Variants in IFT57 observed in about 807,000 individuals in gnomAD.
IFT57 encodes the protein intraflagellar transport protein 57 homolog.
A neutral mutation model predicts 56.8 loss-of-function variants in IFT57; 59 were observed. The observed-to-expected ratio is 1.04, with a 90% CI of 0.84 to 1.29. IFT57 has a LOEUF of 1.29. IFT57 is among the 50% of genes most tolerant of loss of function. The pLI is 0.00. For missense variants in IFT57, 470 were observed against 522.1 expected, an observed-to-expected ratio of 0.90 and a Z score of 0.97; for synonymous variants, 209 against 186.1, an observed-to-expected ratio of 1.12 and a Z score of -1.00.
intron 5 of IFT57, among the ~76,000 whole-genome samples, chr3:108,200,312 T>C (rs1316190433): frequency 1.3e-5 from 2 of 152,224 alleles, no homozygotes; most frequent in African/African-American, 2.4e-5. Flanking sequence ...GAACATGGCC[T>C]TGCAAGACAG....
intron 6 of IFT57, among the ~76,000 whole-genome samples, chr3:108,184,736 G>T (rs907133781): frequency 6.6e-6 from 1 of 152,102 alleles, no homozygotes; most frequent in Admixed American, 6.6e-5. Context: ...TGCAAATATT[G>T]CTTAAAATGT....
chr3:108,209,611 G>A (rs750184816), intron 4 of IFT57, among the ~76,000 whole-genome samples: 2 of 152,250 alleles, frequency 1.3e-5, no homozygotes, highest in Non-Finnish European at 2.9e-5. Context: ...AGTAGACTGA[G>A]TAAAGCAGGT....
In IFT57 at chr3:108,186,569, G is replaced by A. The variant is rs80000989; in HGVS notation, c.777+4952C>T. Among the ~76,000 whole-genome samples the A allele has an allele frequency of 6.6e-5, 10 of 152,236 alleles. No homozygotes were observed. The East Asian group carries it at 1.5e-3, about 23-fold the overall frequency. On this transcript the variant is annotated intron_variant, in intron 6 of 10. Transcript: ENST00000264538. Reference sequence around the variant, plus strand: ...GACTACTTTGGACTTGTTTTATAACGTGGACCCTTCAATGAAAAATTAAAC... The same window carrying A: ...GACTACTTTGGACTTGTTTTATAACATGGACCCTTCAATGAAAAATTAAAC...
chr3:108,167,946 T>C (rs2080071593), intron 6 of IFT57, 82 bp from the exon 7 acceptor site: 6 of 1,045,124 alleles, frequency 5.7e-6, no homozygotes, highest in Admixed American at 2.6e-5. Context: ...TTGTAACCTT[T>C]AATTACTTTG....
chr3:108,209,119 G>C lies in IFT57; in HGVS notation c.586-2423C>G, dbSNP rs568846453. 5.3e-5 allele frequency among the ~76,000 whole-genome samples: 8 copies of C among 152,268 alleles called. No homozygotes were observed. The South Asian group carries it at 1.7e-3, about 32-fold the overall frequency. ...AACACAAACTACAAGCATGTGACCA[G>C]TTACAGAAATGAGAATTGTGATTGT... is the stretch of plus-strand genomic sequence containing the variant. On this transcript the variant is annotated intron_variant, in intron 4 of 10. Transcript: ENST00000264538.
At chr3:108,183,984 TAA>T (rs1316133748) in intron 6 of IFT57, among the ~76,000 whole-genome samples, 1 of 152,170 alleles carries the variant, frequency 6.6e-6, no homozygotes, top group Non-Finnish European at 1.5e-5. Flanking sequence ...TGTAAAAATT[TAA>T]AAAGTTTATA....
At chr3:108,173,254 A>C (rs969446037) in intron 6 of IFT57, among the ~76,000 whole-genome samples, 4 of 151,398 alleles carry the variant, frequency 2.6e-5, no homozygotes, top group African/African-American at 9.7e-5. Context: ...AACATATGCA[A>C]ACACACACAC....
Position 108,218,670 on chromosome 3 carries a change from A to G in IFT57, c.376-17T>C. On this transcript the variant is annotated splice_polypyrimidine_tract_variant and intron_variant, in intron 2 of 10. Transcript: ENST00000264538. ...AGTTCTTCCCTGAAAAACAAAAGAA[A>G]AAACAGGGTATTATTTGTTAGTTAT... 1 of 1,282,538 alleles carries G rather than the reference A, an allele frequency of 7.8e-7. No individual in the cohort carries two copies. Among genetic ancestry groups the G allele is most frequent in the Non-Finnish European group, 1.1e-6 (1 of 924,282 alleles). 79.4% of individuals were successfully genotyped at this position (1,282,538 alleles called of 1,614,324 possible). A position where few individuals can be genotyped will look rare whatever the true frequency, so the allele number is the denominator to read the frequency against.
chr3:108,215,669 G>A (rs950019589), intron 3 of IFT57, among the ~76,000 whole-genome samples: 4 of 151,952 alleles, frequency 2.6e-5, no homozygotes, highest in African/African-American at 4.8e-5. Flanking sequence ...ATTAGAATTC[G>A]AAAATATCTC....
chr3:108,199,735 C>T (rs763512859), intron 5 of IFT57, among the ~76,000 whole-genome samples: 6 of 152,114 alleles, frequency 3.9e-5, no homozygotes, highest in African/African-American at 9.7e-5. Context: ...ATAATCCTCA[C>T]GAATAAAACA....
At chr3:108,222,007 G>T in intron 1 of IFT57, 104 bp downstream of exon 1, 1 of 1,504,788 alleles carries the variant, frequency 6.6e-7, no homozygotes, top group Admixed American at 2.2e-5. Context: ...CGGAGGCAAG[G>T]AATTGCTAAC....
intron 8 of IFT57, among the ~76,000 whole-genome samples, 168 bp from the exon 9 acceptor site, chr3:108,165,661 CT>C (rs951202932): frequency 2.0e-5 from 3 of 152,024 alleles, no homozygotes; most frequent in African/African-American, 4.8e-5. Flanking sequence ...TTTTATGTCC[CT>C]AATAGGCAGC....
intron 6 of IFT57, among the ~76,000 whole-genome samples, chr3:108,181,040 T>C (rs528855235): frequency 1.3e-5 from 2 of 152,164 alleles, no homozygotes; most frequent in Admixed American, 6.6e-5. Flanking sequence ...GCTACCACTC[T>C]TGATGCTCTT....
intron 6 of IFT57, among the ~76,000 whole-genome samples, chr3:108,182,635 A>G (rs1193454534): frequency 6.6e-6 from 1 of 152,140 alleles, no homozygotes; most frequent in Non-Finnish European, 1.5e-5. Context: ...TTTAAAGTTT[A>G]AGGTTCTTTT....
In IFT57 at chr3:108,166,971, T is replaced by C; in HGVS notation, c.864A>G (p.Lys288=). The change falls in exon 8 of 11, where the codon AAA becomes AAG. Residue 288 remains lysine (K), a synonymous_variant. Coordinates refer to ENST00000264538, the MANE Select transcript of IFT57 (RefSeq NM_018010.4). Reference sequence around the variant, plus strand: ...AAGTCCTAGTAATTTCATTATGGAGTTTGTCCAAAAATCCCTAGAAATTCC... The same window carrying C: ...AAGTCCTAGTAATTTCATTATGGAGCTTGTCCAAAAATCCCTAGAAATTCC... The part of the protein sequence containing the change: ...ALKETKGFLD[K]LHNEITRTLE... 1 of 1,606,820 alleles carries C rather than the reference T, an allele frequency of 6.2e-7. No homozygotes were observed. The highest frequency in any genetic ancestry group is 8.5e-7 in the Non-Finnish European group (1 of 1,176,622).
chr3:108,214,080 T>A, intron 3 of IFT57, 59 bp from the exon 4 acceptor site: 1 of 1,014,104 alleles, frequency 9.9e-7, no homozygotes, highest in South Asian at 1.5e-5. Flanking sequence ...GACAAAAAAA[T>A]CATAATGCAA....
In IFT57 at chr3:108,191,842, T is replaced by C. The variant is rs185821151; in HGVS notation, c.655-199A>G. ...ACCTGGTAGAATAGCAAAATATGTA[T>C]TAAAAAAGAAGCAAATATATGATTC... On this transcript the variant is annotated intron_variant, in intron 5 of 10. Transcript: ENST00000264538. 2.0e-5 allele frequency among the ~76,000 whole-genome samples: 3 copies of C among 152,134 alleles called. No homozygotes were observed. The East Asian group carries it at 5.8e-4, about 29-fold the overall frequency.
rs192844332 is a variant in IFT57, at chr3:108,180,801, C to T, written c.777+10720G>A. On this transcript the variant is annotated intron_variant, in intron 6 of 10. Transcript: ENST00000264538. Reference sequence around the variant, plus strand: ...TATAGCAAGGTCCATATGACAAAGGCTTTATGCTTCAATTCATAGTTCATA... The same window carrying T: ...TATAGCAAGGTCCATATGACAAAGGTTTTATGCTTCAATTCATAGTTCATA... Among the ~76,000 whole-genome samples, 25 of 152,116 alleles carry T rather than the reference C, an allele frequency of 1.6e-4. No homozygotes were observed. In the East Asian group the frequency reaches 4.8e-3, roughly 29 times the overall value.
At chr3:108,209,916 A>ATGTGTGTGTGTG (rs35248776) in intron 4 of IFT57, among the ~76,000 whole-genome samples, 1 of 149,824 alleles carries the variant, frequency 6.7e-6, no homozygotes, top group Non-Finnish European at 1.5e-5. Context: ...CTTTTTCTAT[A>ATGTGTGTGTGTG]TGTGTGTGTG....
Sources: allele counts gnomAD v4.1 joint callset (sites outside exome capture counted in the v4.1 genomes callset), GRCh38; gene constraint gnomAD v4.1.1; transcripts MANE v1.5; gene names NCBI Gene and HGNC (gene_info 2026-07-23, HGNC 2026-07-21).